Variants in SOX5 observed in about 807,000 individuals in gnomAD.
SOX5 encodes SRY-box transcription factor 5.
In SOX5, 9 loss-of-function variants were observed where a neutral mutation model predicts 92.0. The ratio of observed to expected loss-of-function variants is 0.10; its 90% CI spans 0.06 to 0.17. SOX5 has a LOEUF of 0.17. SOX5 is among the 10% of genes least tolerant of loss of function. SOX5 has a pLI of 1.00. For missense variants in SOX5, 642 were observed against 944.5 expected, an observed-to-expected ratio of 0.68 and a Z score of 4.20; for synonymous variants, 344 against 336.3, an observed-to-expected ratio of 1.02 and a Z score of -0.25.
intron 4 of SOX5, among the ~76,000 whole-genome samples, chr12:24,013,474 A>G (rs181230760): frequency 7.5e-4 from 115 of 152,350 alleles, no homozygotes; most frequent in African/African-American, 2.0e-3. Context: ...ACGTATCTGC[A>G]TATTTAATCT....
intron 4 of SOX5, among the ~76,000 whole-genome samples, chr12:24,097,808 C>G (rs985691414): frequency 2.0e-5 from 3 of 152,184 alleles, no homozygotes; most frequent in African/African-American, 7.2e-5. Flanking sequence ...GTTGCATATT[C>G]CTCTGAAGTT....
At chr12:24,292,599 C>A (rs868831292) in intron 2 of SOX5, among the ~76,000 whole-genome samples, 14 of 152,244 alleles carry the variant, frequency 9.2e-5, no homozygotes, top group Middle Eastern at 6.8e-3. Context: ...TTCACATAGA[C>A]CACAATTTCA....
At chr12:23,653,018 GAATGTACA>G (rs1198313668) in intron 7 of SOX5, among the ~76,000 whole-genome samples, 2,890 of 140,956 alleles carry the variant, frequency 0.021, 102 homozygotes, top group African/African-American at 0.071. Context: ...ATGGATGGAT[GAATGTACA>G]GATAGATGGA....
intron 1 of SOX5, among the ~76,000 whole-genome samples, chr12:24,440,178 G>C (rs1284063161): frequency 6.6e-6 from 1 of 152,136 alleles, no homozygotes; most frequent in East Asian, 1.9e-4. Context: ...GGCTCTTATG[G>C]TTTAAATTTG....
intron 4 of SOX5, among the ~76,000 whole-genome samples, chr12:23,987,065 G>C (rs1004737638): frequency 6.6e-6 from 1 of 152,146 alleles, no homozygotes; most frequent in Non-Finnish European, 1.5e-5. Flanking sequence ...GATTTCAACT[G>C]CTGATTTAAC....
Position 23,986,989 on chromosome 12 carries a change from T to C in SOX5, c.-1-90965A>G, listed in dbSNP as rs915519901. Among the ~76,000 whole-genome samples the C allele has an allele frequency of 5.3e-5, 8 of 152,314 alleles. No individual in the cohort carries two copies. The East Asian group carries it at 1.3e-3, about 26-fold the overall frequency. On this transcript the variant is annotated intron_variant, in intron 4 of 4. Transcript: ENST00000446891. Reference sequence around the variant, plus strand: ...AAAAAAGAATATTTACTTTCTTCTCTCAAGTACAGAATGTAGTAGAGTTCA... The same window carrying C: ...AAAAAAGAATATTTACTTTCTTCTCCCAAGTACAGAATGTAGTAGAGTTCA...
chr12:24,385,926 C>CAAAAAAAAAAAAAAAAAAAAAAAAAAAA (rs35813329), intron 1 of SOX5, among the ~76,000 whole-genome samples: 1 of 73,388 alleles, frequency 1.4e-5, no homozygotes, highest in African/African-American at 6.0e-5. Flanking sequence ...GACCTTGTCA[C>CAAAAAAAAAAAAAAAAAAAAAAAAAAAA]AAAAAAAAAA....
intron 1 of SOX5, among the ~76,000 whole-genome samples, chr12:24,396,385 G>A (rs1042421230): frequency 6.6e-6 from 1 of 152,218 alleles, no homozygotes; most frequent in South Asian, 2.1e-4. Flanking sequence ...CACAGAAACT[G>A]ATGTTGTTGT....
intron 1 of SOX5, among the ~76,000 whole-genome samples, chr12:24,527,649 T>A (rs1950832830): frequency 6.6e-6 from 1 of 152,222 alleles, no homozygotes; most frequent in Admixed American, 6.5e-5. Flanking sequence ...TTGCTTCACA[T>A]AATCAAAAGA....
chr12:24,511,989 T>C (rs952093440), intron 1 of SOX5, among the ~76,000 whole-genome samples: 6 of 152,062 alleles, frequency 3.9e-5, no homozygotes, highest in Admixed American at 3.3e-4. Flanking sequence ...GCAATACATT[T>C]TAAATGATAA....
intron 2 of SOX5, among the ~76,000 whole-genome samples, chr12:24,296,774 A>G (rs1947296159): frequency 6.6e-6 from 1 of 150,846 alleles, no homozygotes; most frequent in Non-Finnish European, 1.5e-5. Context: ...ATCACTTCAC[A>G]GTTATCTAGA....
intron 4 of SOX5, among the ~76,000 whole-genome samples, chr12:24,147,268 T>A (rs1951184009): frequency 6.6e-6 from 1 of 152,160 alleles, no homozygotes; most frequent in Non-Finnish European, 1.5e-5. Context: ...ATACCAGGAA[T>A]GCAAGGTTGT....
Position 23,640,848 on chromosome 12 carries a change from G to C in SOX5, c.981C>G (p.Ala327=), listed in dbSNP as rs142710312. The C allele has an allele frequency of 1.1e-5, 17 of 1,613,708 alleles. No homozygotes were observed. Among genetic ancestry groups the C allele is most frequent in the South Asian group, 3.3e-5 (3 of 91,054 alleles). The change falls in exon 8 of 15, where the codon GCC becomes GCG. Residue 327 remains alanine, a synonymous_variant. Transcript: ENST00000451604. The stretch of plus-strand genomic sequence containing the variant: ...GTGGGCCTAAGCCTGGTGTTGCTGC[G>C]GCAGCAGCTGCCATGGTAGTTGGGA... ...QLIPTTMAAA[A]AATPGLGPLQ...
intron 3 of SOX5, among the ~76,000 whole-genome samples, chr12:23,835,891 T>A (rs1440076404): frequency 6.6e-6 from 1 of 151,674 alleles, no homozygotes; most frequent in Non-Finnish European, 1.5e-5. Context: ...CATCTGGAAA[T>A]GGAGATAATA....
At chr12:24,415,922 T>A (rs1368792239) in intron 1 of SOX5, among the ~76,000 whole-genome samples, 3 of 152,176 alleles carry the variant, frequency 2.0e-5, no homozygotes, top group Non-Finnish European at 4.4e-5. Flanking sequence ...GAAAGGGGCT[T>A]AACAACAAAA....
intron 3 of SOX5, among the ~76,000 whole-genome samples, chr12:23,786,572 A>G (rs1449890094): frequency 6.6e-6 from 1 of 151,150 alleles, no homozygotes; most frequent in Non-Finnish European, 1.5e-5. Flanking sequence ...AAAGAGACCT[A>G]GAAATCATAG....
At chr12:24,213,301 G>A (rs967456324) in intron 4 of SOX5, 1 of 151,574 alleles carries the variant, frequency 6.6e-6, no homozygotes, top group African/African-American at 2.4e-5. Flanking sequence ...TAAAACTGAT[G>A]GCAAAAGAAT....
Position 23,796,642 on chromosome 12 carries a change from T to C in SOX5, c.482-40918A>G, listed in dbSNP as rs1315311851. The stretch of plus-strand genomic sequence containing the variant: ...CTCAAACTGTGTTTAGCTTCTAAAC[T>C]GTGTCTCCTAAATGAAGACCAATTG... On this transcript the variant is annotated intron_variant, in intron 3 of 14. Transcript: ENST00000451604. Among the ~76,000 whole-genome samples the C allele has an allele frequency of 3.9e-5, 6 of 151,910 alleles. No homozygotes were observed. In the East Asian group the frequency reaches 1.2e-3, roughly 29 times the overall value.
chr12:24,086,449 A>C (rs1944005034), intron 4 of SOX5, among the ~76,000 whole-genome samples: 1 of 151,956 alleles, frequency 6.6e-6, no homozygotes, highest in South Asian at 2.1e-4. Flanking sequence ...ATGTAATGTC[A>C]TGTAAAATTC....
Sources: gnomAD v4.1 joint callset for allele counts (sites outside exome capture counted in the v4.1 genomes callset) on GRCh38, gnomAD v4.1.1 for gene constraint, MANE v1.5 for transcripts, NCBI Gene and HGNC (gene_info 2026-07-23, HGNC 2026-07-21) for gene names.